Variants in FAM135B observed in about 807,000 individuals in gnomAD.
FAM135B encodes the protein protein FAM135B.
Under a neutral mutation model 127.7 loss-of-function variants are expected in FAM135B, and 43 were observed. The ratio of observed to expected loss-of-function variants is 0.34; its 90% CI spans 0.26 to 0.43. The LOEUF is 0.43. Ranked by LOEUF, FAM135B falls within the 20% of genes least tolerant of loss-of-function variation. The pLI, the probability that FAM135B is intolerant of heterozygous loss-of-function variation, is 1.00. For missense variants in FAM135B, 1,558 were observed against 1,725.6 expected, an observed-to-expected ratio of 0.90 and a Z score of 1.72; for synonymous variants, 670 against 665.1, an observed-to-expected ratio of 1.01 and a Z score of -0.11.
Position 138,148,576 on chromosome 8 carries a change from T to C in FAM135B, c.3392A>G (p.Glu1131Gly), listed in dbSNP as rs2130690297. ...AATTCCATCTTCCAAATTTTCTTCC[T>C]CTTCCTCTGGTGGGAAATATGGTAT... ...SDIPYFPPEEEEENLEDGIHL... is the reference protein window; with the variant it reads ...SDIPYFPPEEGEENLEDGIHL... Residue 1131 changes from glutamate to glycine, a missense_variant, in exon 14 of 20, where the codon GAG (glutamate) becomes GGG (glycine). By Grantham distance (98) the Glu-to-Gly change is moderately conservative. Transcript: ENST00000395297. 6.2e-7 allele frequency: 1 copy of C among 1,614,030 alleles called. No individual in the cohort carries two copies. The highest frequency in any genetic ancestry group is 1.3e-5 in the African/African-American group (1 of 75,050).
At chr8:138,147,887 C>T (rs879861709) in intron 14 of FAM135B, among the ~76,000 whole-genome samples, 6 of 152,150 alleles carry the variant, frequency 3.9e-5, no homozygotes, top group African/African-American at 4.8e-5. Context: ...ACAGACTGGT[C>T]ATGCATGACA....
In FAM135B at chr8:138,316,464, C is replaced by A. The variant is rs185406134; in HGVS notation, c.78-5544G>T. Among the ~76,000 whole-genome samples, 1,321 of 149,762 alleles carry A rather than the reference C, an allele frequency of 8.8e-3. 51 individuals carry two copies. Among genetic ancestry groups the A allele is most frequent in the African/African-American group, 0.031 (1,239 of 39,754 alleles). On this transcript the variant is annotated intron_variant, in intron 2 of 19. Transcript: ENST00000395297. Reference sequence around the variant, plus strand: ...AGCGGAGATCGCGCCACAGCACTCCCGCCTGGGCGACAGAACGAGACTCCG... The same window carrying A: ...AGCGGAGATCGCGCCACAGCACTCCAGCCTGGGCGACAGAACGAGACTCCG...
chr8:138,486,575 T>C (rs1443126092), intron 1 of FAM135B, among the ~76,000 whole-genome samples: 2 of 152,148 alleles, frequency 1.3e-5, no homozygotes, highest in Non-Finnish European at 2.9e-5. Context: ...GAGGATACGC[T>C]GCCAGAGCTG....
At chr8:138,199,048 C>T (rs1393652863) in intron 7 of FAM135B, among the ~76,000 whole-genome samples, 1 of 152,160 alleles carries the variant, frequency 6.6e-6, no homozygotes, top group Non-Finnish European at 1.5e-5. Flanking sequence ...AGTGAGTCTG[C>T]ACAGCCAATG....
intron 7 of FAM135B, among the ~76,000 whole-genome samples, chr8:138,211,352 G>C (rs558968103): frequency 6.6e-6 from 1 of 152,294 alleles, no homozygotes; most frequent in Non-Finnish European, 1.5e-5. Flanking sequence ...CCGTTCTACA[G>C]ATGCACCGAC....
At chr8:138,311,814 T>C (rs1826705070) in intron 2 of FAM135B, among the ~76,000 whole-genome samples, 1 of 152,124 alleles carries the variant, frequency 6.6e-6, no homozygotes, top group African/African-American at 2.4e-5. Context: ...TTTTAATGTA[T>C]AAATGATGAA....
intron 7 of FAM135B, among the ~76,000 whole-genome samples, chr8:138,240,072 C>T (rs1476858831): frequency 6.6e-6 from 1 of 152,040 alleles, no homozygotes; most frequent in Admixed American, 6.6e-5. Context: ...GGGTGTAGCA[C>T]ACCAACATGG....
chr8:138,440,974 A>G (rs1835727872), intron 1 of FAM135B: 1 of 152,150 alleles, frequency 6.6e-6, no homozygotes, highest in African/African-American at 2.4e-5. Context: ...AATACTAAAC[A>G]CAGACCTTAA....
intron 3 of FAM135B, among the ~76,000 whole-genome samples, chr8:138,277,573 T>G (rs1278290144): frequency 1.3e-5 from 2 of 152,340 alleles, no homozygotes; most frequent in Non-Finnish European, 2.9e-5. Context: ...CTTCTGCATG[T>G]AAGCCCCTTA....
rs145691913 is a variant in FAM135B, at chr8:138,489,402, G to A, written c.-20+7269C>T. 5.3e-3 allele frequency among the ~76,000 whole-genome samples: 808 copies of A among 152,172 alleles called. 2 individuals carry two copies. Among genetic ancestry groups the A allele is most frequent in the African/African-American group, 7.3e-3 (301 of 41,516 alleles). Reference sequence around the variant, plus strand: ...TTCTCAAGTTGGTCCTCCTGTCTCCGTCTCTATTACCTTAACCTAGGTTTG... The same window carrying A: ...TTCTCAAGTTGGTCCTCCTGTCTCCATCTCTATTACCTTAACCTAGGTTTG... On this transcript the variant is annotated intron_variant, in intron 1 of 19. Transcript: ENST00000395297.
intron 2 of FAM135B, among the ~76,000 whole-genome samples, chr8:138,366,041 G>T (rs777234538): frequency 2.0e-5 from 3 of 151,890 alleles, no homozygotes; most frequent in Non-Finnish European, 4.4e-5. Flanking sequence ...TGTGCACCCT[G>T]GGGAGAATGC....
chr8:138,134,670 A>G (rs1202922585), intron 19 of FAM135B, among the ~76,000 whole-genome samples: 1 of 152,178 alleles, frequency 6.6e-6, no homozygotes, highest in Non-Finnish European at 1.5e-5. Context: ...AAAAATAAAA[A>G]TATTGGTACT....
intron 2 of FAM135B, among the ~76,000 whole-genome samples, chr8:138,343,942 C>T (rs1829225364): frequency 6.6e-6 from 1 of 152,142 alleles, no homozygotes; most frequent in Non-Finnish European, 1.5e-5. Flanking sequence ...TCATTGCTGC[C>T]TGACCCTTTC....
rs369757079 is a variant in FAM135B, at chr8:138,137,275, C to G, written c.3902-15G>C. The G allele has an allele frequency of 7.3e-7, 1 of 1,376,200 alleles. No homozygotes were observed. Among genetic ancestry groups the G allele is most frequent in the Non-Finnish European group, 1.0e-6 (1 of 963,536 alleles). 85.2% of individuals were successfully genotyped at this position (1,376,200 alleles called of 1,614,324 possible). A position where few individuals can be genotyped will look rare whatever the true frequency, so the allele number is the denominator to read the frequency against. On this transcript the variant is annotated splice_polypyrimidine_tract_variant and intron_variant, in intron 18 of 19. Transcript: ENST00000395297. ...ATACTGCAGCCCTGTAAAAATTAGC[C>G]AGATGAGTGCTTTTTACCCAGGTAG...
At chr8:138,193,548 C>G (rs182895001) in intron 9 of FAM135B, among the ~76,000 whole-genome samples, 22 of 152,286 alleles carry the variant, frequency 1.4e-4, no homozygotes, top group African/African-American at 5.3e-4. Flanking sequence ...TCCTGTGTTC[C>G]TTGTTGTTGT....
intron 3 of FAM135B, among the ~76,000 whole-genome samples, chr8:138,301,088 T>C (rs1174816458): frequency 2.0e-5 from 3 of 151,848 alleles, no homozygotes; most frequent in African/African-American, 7.3e-5. Flanking sequence ...GATCTGGGAG[T>C]CAGGATCAAG....
At chr8:138,254,468 A>G (rs1472850742) in intron 5 of FAM135B, among the ~76,000 whole-genome samples, 2 of 152,236 alleles carry the variant, frequency 1.3e-5, no homozygotes, top group Admixed American at 6.5e-5. Context: ...GAAGTGGAAC[A>G]GAGTGATAGG....
intron 9 of FAM135B, among the ~76,000 whole-genome samples, chr8:138,181,035 A>T (rs10453155): frequency 0.53 from 80,399 of 150,438 alleles, 21,843 homozygotes; most frequent in East Asian, 0.8. Context: ...GGTCAAGAGA[A>T]CGAGACCATC....
At chr8:138,314,479 A>G (rs1251370141) in intron 2 of FAM135B, among the ~76,000 whole-genome samples, 2 of 152,050 alleles carry the variant, frequency 1.3e-5, no homozygotes, top group Non-Finnish European at 2.9e-5. Flanking sequence ...CGCAAGAAAA[A>G]TTTCACCAAA....
Sources: gnomAD v4.1 joint callset for allele counts (sites outside exome capture counted in the v4.1 genomes callset) on GRCh38, gnomAD v4.1.1 for gene constraint, MANE v1.5 for transcripts, NCBI Gene and HGNC (gene_info 2026-07-23, HGNC 2026-07-21) for gene names.